The following NSD1 variants were observed in gnomAD, a reference collection of about 807,000 sequenced individuals.
The protein encoded by NSD1 is nuclear receptor binding SET domain protein 1.
A neutral mutation model predicts 242.7 loss-of-function variants in NSD1; 26 were observed. The observed-to-expected ratio is 0.11, with a 90% CI of 0.08 to 0.15. The LOEUF (loss-of-function observed/expected upper bound fraction) is 0.15, where lower values mean the gene tolerates loss of function less well. NSD1 is among the 10% of genes least tolerant of loss of function. NSD1 has a pLI of 1.00. For synonymous variants in NSD1, 1,106 were observed against 1,178.1 expected (o/e 0.94, Z 1.25); for missense variants, 2,495 against 3,272.8 (o/e 0.76, Z 5.80).
At chr5:177,168,899 G>A (rs1354934728) in intron 2 of NSD1, among the ~76,000 whole-genome samples, 2 of 152,200 alleles carry the variant, frequency 1.3e-5, no homozygotes, top group Non-Finnish European at 2.9e-5. Context: ...GTGGTAGTCA[G>A]TTGCAGAGAG....
intron 2 of NSD1, among the ~76,000 whole-genome samples, chr5:177,182,251 A>AG (rs1418674740): frequency 2.0e-5 from 3 of 152,112 alleles, no homozygotes; most frequent in African/African-American, 7.2e-5. Context: ...CAGGAGGCAG[A>AG]GGCTACAGTG....
intron 3 of NSD1, among the ~76,000 whole-genome samples, chr5:177,197,670 A>C (rs1390730667): frequency 1.3e-5 from 2 of 152,218 alleles, no homozygotes; most frequent in Admixed American, 6.5e-5. Flanking sequence ...AGTTATGGGA[A>C]TCTGTCCCCT....
At chr5:177,154,718 CAG>C (rs1187296671) in intron 2 of NSD1, among the ~76,000 whole-genome samples, 3 of 152,030 alleles carry the variant, frequency 2.0e-5, no homozygotes, top group Non-Finnish European at 2.9e-5. Context: ...ATTTTTGAGA[CAG>C]AGTCTCCCTC....
chr5:177,194,890 G>A (rs2149825147), intron 3 of NSD1, among the ~76,000 whole-genome samples: 1 of 151,720 alleles, frequency 6.6e-6, no homozygotes, highest in Admixed American at 6.6e-5. Context: ...TGGGCGCAGT[G>A]GCTCACACCT....
At chr5:177,275,472 C>T (rs572054705) in intron 17 of NSD1, among the ~76,000 whole-genome samples, 4 of 102,680 alleles carry the variant, frequency 3.9e-5, no homozygotes, top group Non-Finnish European at 7.1e-5. Flanking sequence ...GAGATGGAGT[C>T]GCCCAGGATG....
At chr5:177,201,347 C>G (rs529048751) in intron 3 of NSD1, among the ~76,000 whole-genome samples, 2 of 151,554 alleles carry the variant, frequency 1.3e-5, no homozygotes, top group East Asian at 3.9e-4. Context: ...GTAGCTGGGA[C>G]TAAAAGTCAG....
In NSD1 at chr5:177,266,079, C is replaced by G. The variant is rs557331320; in HGVS notation, c.5147-1483C>G. The G allele has an allele frequency of 2.4e-4, 264 of 1,122,326 alleles. 1 individual carries two copies. In the African/African-American group the frequency reaches 3.6e-3, roughly 15 times the overall value. The allele number at this position is 1,122,326 out of a possible 1,614,324, so 69.5% of individuals were successfully genotyped here. A position where few individuals can be genotyped will look rare whatever the true frequency, so the allele number is the denominator to read the frequency against. ...ATCTTGTAGTCTTTGTACTGCCGGT[C>G]CTCGGTGGCCGTCACATACAGTGTG... On this transcript the variant is annotated intron_variant, in intron 14 of 22. Transcript: ENST00000439151.
intron 2 of NSD1, among the ~76,000 whole-genome samples, chr5:177,182,151 CAA>C (rs35298464): frequency 3.1e-4 from 37 of 119,458 alleles, no homozygotes; most frequent in East Asian, 1.3e-3. Flanking sequence ...GACTCCGTCT[CAA>C]AAAAAAAAAA....
chr5:177,244,338 C>A, intron 9 of NSD1, 68 bp downstream of exon 9: 2 of 1,168,570 alleles, frequency 1.7e-6, no homozygotes, highest in Non-Finnish European at 2.5e-6. Context: ...CTGTTAACCA[C>A]AAAAATTGTT....
chr5:177,147,596 G>GTT (rs563484379), intron 2 of NSD1, among the ~76,000 whole-genome samples: 2 of 146,676 alleles, frequency 1.4e-5, no homozygotes, highest in South Asian at 2.2e-4. Context: ...TTTTTTGTTT[G>GTT]TTTTTTTTTT....
chr5:177,227,895 C>A (rs1764754485), intron 5 of NSD1, among the ~76,000 whole-genome samples: 1 of 151,320 alleles, frequency 6.6e-6, no homozygotes, highest in Non-Finnish European at 1.5e-5. Context: ...TTGCAGTGAG[C>A]CGAGATTGTG....
At chr5:177,169,620 G>A (rs966132908) in intron 2 of NSD1, 4 of 153,438 alleles carry the variant, frequency 2.6e-5, no homozygotes, top group African/African-American at 7.2e-5. Context: ...TGTCTCCACT[G>A]CTTTATGACC....
At chr5:177,213,311 C>T (rs1421686129) in intron 5 of NSD1, among the ~76,000 whole-genome samples, 1 of 152,140 alleles carries the variant, frequency 6.6e-6, no homozygotes, top group African/African-American at 2.4e-5. Flanking sequence ...ATTGAAAATG[C>T]AGTTATCATA....
At chr5:177,223,295 G>C (rs948731137) in intron 5 of NSD1, among the ~76,000 whole-genome samples, 4 of 151,916 alleles carry the variant, frequency 2.6e-5, no homozygotes, top group African/African-American at 7.3e-5. Context: ...GGCTAGGCCG[G>C]GCACGGTGGC....
chr5:177,190,018 G>A (rs992992818), intron 2 of NSD1, among the ~76,000 whole-genome samples: 2 of 151,852 alleles, frequency 1.3e-5, no homozygotes, highest in Non-Finnish European at 2.9e-5. Flanking sequence ...AGTGCAGTGG[G>A]CATGAACATG....
chr5:177,157,544 C>A (rs530632131), intron 2 of NSD1, among the ~76,000 whole-genome samples: 1 of 151,826 alleles, frequency 6.6e-6, no homozygotes, highest in South Asian at 2.1e-4. Flanking sequence ...ACTAAAAATA[C>A]AAAAATTAGC....
intron 16 of NSD1, among the ~76,000 whole-genome samples, chr5:177,271,265 C>A (rs961267923): frequency 3.3e-4 from 50 of 152,224 alleles, no homozygotes; most frequent in Middle Eastern, 3.4e-3. Flanking sequence ...CAAGAAGAAG[C>A]TGGGGAGCAA....
At chr5:177,173,594 C>T (rs1759915947) in intron 2 of NSD1, among the ~76,000 whole-genome samples, 1 of 151,568 alleles carries the variant, frequency 6.6e-6, no homozygotes, top group South Asian at 2.1e-4. Context: ...CTGCCTCAGC[C>T]TCCTGAGTAG....
intron 14 of NSD1, chr5:177,265,822 G>C (rs1390809826): frequency 2.9e-6 from 4 of 1,391,226 alleles, no homozygotes; most frequent in Middle Eastern, 1.8e-4. Flanking sequence ...GCGTAAACTC[G>C]ATGTTGAAGT....
Sources: allele counts gnomAD v4.1 joint callset (sites outside exome capture counted in the v4.1 genomes callset), GRCh38; gene constraint gnomAD v4.1.1; transcripts MANE v1.5; gene names NCBI Gene and HGNC (gene_info 2026-07-23, HGNC 2026-07-21).